Variants in LMO7 observed in about 807,000 individuals in gnomAD.
The protein encoded by LMO7 is LIM domain 7.
Under a neutral mutation model 206.5 loss-of-function variants are expected in LMO7, and 120 were observed. The observed-to-expected ratio is 0.58, with a 90% CI of 0.50 to 0.68. LMO7 has a LOEUF of 0.68. Ranked by LOEUF, LMO7 falls within the 30% of genes least tolerant of loss-of-function variation. The probability of loss-of-function intolerance (pLI) is 0.00; values close to 1 mark genes in which losing one functional copy is unlikely to be tolerated. For synonymous variants in LMO7, 706 were observed against 681.5 expected (o/e 1.04, Z -0.56); for missense variants, 1,959 against 1,957.9 (o/e 1.00, Z -0.01).
chr13:75,701,877 T>G (rs1287960365), intron 1 of LMO7, among the ~76,000 whole-genome samples: 1 of 152,198 alleles, frequency 6.6e-6, no homozygotes, highest in Admixed American at 6.5e-5. Flanking sequence ...CAGGTTGTCT[T>G]GGATTTTGAT....
chr13:75,760,581 T>C, intron 3 of LMO7: 1 of 1,361,676 alleles, frequency 7.3e-7, no homozygotes, highest in Non-Finnish European at 9.4e-7. Context: ...CGTGCAAAGC[T>C]GGAAAGAGGG....
At chr13:75,742,250 G>GA (rs1410113494) in intron 3 of LMO7, among the ~76,000 whole-genome samples, 1 of 151,994 alleles carries the variant, frequency 6.6e-6, no homozygotes, top group East Asian at 1.9e-4. Flanking sequence ...CAAATAAATG[G>GA]AAAAACATTT....
chr13:75,745,542 A>G (rs526899), intron 3 of LMO7, among the ~76,000 whole-genome samples: 1,849 of 152,280 alleles, frequency 0.012, 45 homozygotes, highest in African/African-American at 0.042. Context: ...GGTTAATCGT[A>G]TGTGTCAACT....
chr13:75,789,511 C>G (rs761645809), intron 4 of LMO7, among the ~76,000 whole-genome samples: 1 of 152,162 alleles, frequency 6.6e-6, no homozygotes, highest in African/African-American at 2.4e-5. Flanking sequence ...TCCTGTCTGT[C>G]TTGGCCCCGA....
chr13:75,804,300 G>T lies in LMO7; in HGVS notation c.673G>T (p.Asp225Tyr). The T allele has an allele frequency of 6.2e-7, 1 of 1,612,606 alleles. No individual in the cohort carries two copies. Among genetic ancestry groups the T allele is most frequent in the South Asian group, 1.1e-5 (1 of 91,008 alleles). Residue 225 changes from aspartate (D) to tyrosine (Y), a missense_variant, in exon 8 of 31, where the codon GAC becomes TAC. Asp to Tyr is a radical substitution (Grantham distance 160, BLOSUM62 -3). Coordinates refer to ENST00000377534, the MANE Select transcript of LMO7 (RefSeq NM_001306080.2). Reference sequence around the variant, plus strand: ...TGCCTTCTTTATAGGTTTTGAAAGTGACACAGATTCGGAATTTACATTTAA... The same window carrying T: ...TGCCTTCTTTATAGGTTTTGAAAGTTACACAGATTCGGAATTTACATTTAA... ...LRGGREGFES[D>Y]TDSEFTFKMQ...
chr13:75,856,431 C>T (rs2060957713), intron 29 of LMO7, 75 bp from the exon 30 acceptor site: 1 of 814,032 alleles, frequency 1.2e-6, no homozygotes, highest in Non-Finnish European at 2.1e-6. Flanking sequence ...TGCTCATTTC[C>T]CCCCCACCCC....
chr13:75,757,581 G>C (rs1260083337), intron 3 of LMO7, among the ~76,000 whole-genome samples: 1 of 152,030 alleles, frequency 6.6e-6, no homozygotes, highest in Non-Finnish European at 1.5e-5. Context: ...CCCCACACCT[G>C]TTATGGCTGC....
intron 1 of LMO7, among the ~76,000 whole-genome samples, chr13:75,649,069 G>T (rs1385704830): frequency 6.6e-6 from 1 of 152,210 alleles, no homozygotes. Context: ...GTGGGCATGA[G>T]CAAGGATTCG....
At chr13:75,717,590 T>A (rs567125995) in intron 2 of LMO7, among the ~76,000 whole-genome samples, 5 of 152,006 alleles carry the variant, frequency 3.3e-5, no homozygotes, top group South Asian at 4.1e-4. Flanking sequence ...AAATATATAT[T>A]TTTTTATTTT....
At chr13:75,674,092 C>T (rs1468330712) in intron 1 of LMO7, among the ~76,000 whole-genome samples, 1 of 152,206 alleles carries the variant, frequency 6.6e-6, no homozygotes, top group African/African-American at 2.4e-5. Flanking sequence ...TATCAAGTCA[C>T]AATTTCATAA....
chr13:75,783,621 C>T (rs2051917408), intron 4 of LMO7, among the ~76,000 whole-genome samples: 2 of 152,192 alleles, frequency 1.3e-5, no homozygotes, highest in Admixed American at 1.3e-4. Flanking sequence ...ACCTACCGGG[C>T]CAGATACATC....
At chr13:75,724,328 GA>G (rs2044276028) in intron 2 of LMO7, among the ~76,000 whole-genome samples, 1 of 152,128 alleles carries the variant, frequency 6.6e-6, no homozygotes, top group African/African-American at 2.4e-5. Context: ...CTGGCCTAGG[GA>G]AAGTCTTGGG....
chr13:75,846,593 T>G (rs1450397974), intron 26 of LMO7, among the ~76,000 whole-genome samples: 1 of 152,182 alleles, frequency 6.6e-6, no homozygotes, highest in African/African-American at 2.4e-5. Flanking sequence ...CTCCTGAACA[T>G]AAACACAAGA....
At chr13:75,715,172 A>C (rs1196828103) in intron 2 of LMO7, among the ~76,000 whole-genome samples, 5 of 152,224 alleles carry the variant, frequency 3.3e-5, no homozygotes, top group Non-Finnish European at 7.4e-5. Flanking sequence ...TTGATTTAAA[A>C]TGCAACTTAT....
intron 1 of LMO7, among the ~76,000 whole-genome samples, chr13:75,707,586 G>C (rs2042753365): frequency 6.6e-6 from 1 of 152,002 alleles, no homozygotes; most frequent in South Asian, 2.1e-4. Context: ...GCACCTAGGA[G>C]AATATGCATA....
intron 28 of LMO7, among the ~76,000 whole-genome samples, chr13:75,853,593 G>C (rs1346367806): frequency 6.6e-6 from 1 of 152,164 alleles, no homozygotes; most frequent in Non-Finnish European, 1.5e-5. Context: ...GATGTCTTGT[G>C]AAGCCACTGG....
At chr13:75,791,016 G>A (rs970991922) in intron 4 of LMO7, among the ~76,000 whole-genome samples, 8 of 145,654 alleles carry the variant, frequency 5.5e-5, no homozygotes, top group Non-Finnish European at 1.2e-4. Context: ...TTGCTCTGTC[G>A]CCCAGGCTGG....
intron 4 of LMO7, among the ~76,000 whole-genome samples, chr13:75,794,027 C>T (rs34713814): frequency 0.039 from 5,888 of 152,220 alleles, 133 homozygotes; most frequent in Non-Finnish European, 0.053. Context: ...TATTTCATTA[C>T]GTGGATATGC....
At chr13:75,775,112 G>A (rs1241486222) in intron 4 of LMO7, among the ~76,000 whole-genome samples, 1 of 152,110 alleles carries the variant, frequency 6.6e-6, no homozygotes, top group East Asian at 1.9e-4. Context: ...TGGAATTAAT[G>A]TTGTATGCTA....
Sources: gnomAD v4.1 joint callset for allele counts (sites outside exome capture counted in the v4.1 genomes callset) on GRCh38, gnomAD v4.1.1 for gene constraint, MANE v1.5 for transcripts, NCBI Gene and HGNC (gene_info 2026-07-23, HGNC 2026-07-21) for gene names.